CNTNAP2: variants seen among roughly 807,000 people sequenced by gnomAD.
CNTNAP2 encodes contactin-associated protein-like 2.
CNTNAP2 carries 98 observed loss-of-function variants against 155.2 expected under a neutral mutation model. The observed-to-expected ratio is 0.63, with a 90% CI of 0.54 to 0.75. The LOEUF is 0.75. Among genes scored for constraint, CNTNAP2 ranks in the 30% least tolerant of loss-of-function variants. CNTNAP2 has a pLI of 0.00. For synonymous variants in CNTNAP2, 651 were observed against 631.2 expected, an observed-to-expected ratio of 1.03 and a Z score of -0.47; for missense variants, 1,727 against 1,688.1, an observed-to-expected ratio of 1.02 and a Z score of -0.40.
intron 3 of CNTNAP2, among the ~76,000 whole-genome samples, chr7:146,889,860 T>C (rs191516923): frequency 6.6e-6 from 1 of 152,296 alleles, no homozygotes; most frequent in East Asian, 1.9e-4. Context: ...TATAATTTTA[T>C]CTAGGACTTT....
intron 1 of CNTNAP2, among the ~76,000 whole-genome samples, chr7:146,589,099 A>C (rs961221127): frequency 6.6e-6 from 1 of 152,186 alleles, no homozygotes; most frequent in Non-Finnish European, 1.5e-5. Flanking sequence ...CATACTCACA[A>C]GTTCCCCCAT....
At chr7:147,912,302 G>A (rs1036855189) in intron 14 of CNTNAP2, among the ~76,000 whole-genome samples, 1 of 152,196 alleles carries the variant, frequency 6.6e-6, no homozygotes, top group African/African-American at 2.4e-5. Flanking sequence ...TTAGCTCATG[G>A]GTTCCCCAGG....
chr7:146,693,610 C>G (rs1800733754), intron 1 of CNTNAP2, among the ~76,000 whole-genome samples: 3 of 152,118 alleles, frequency 2.0e-5, no homozygotes, highest in Admixed American at 2.0e-4. Context: ...TCTCCCCTCC[C>G]TGGGTTCTGT....
At chr7:148,228,011 T>C (rs1252336246) in intron 19 of CNTNAP2, among the ~76,000 whole-genome samples, 1 of 152,044 alleles carries the variant, frequency 6.6e-6, no homozygotes, top group Non-Finnish European at 1.5e-5. Context: ...TGACTTTCTT[T>C]TATTTTTTTT....
Position 147,300,292 on chromosome 7 carries a change from T to A in CNTNAP2, c.1498+2T>A, listed in dbSNP as rs770435238. On this transcript the variant is annotated splice_donor_variant, in intron 9 of 23. Coordinates refer to ENST00000361727, the MANE Select transcript of CNTNAP2 (RefSeq NM_014141.6). LOFTEE classifies it high-confidence loss of function. ...CTGGCGAGAAGTACTTTTTTGGAGG[T>A]AAGAATGCCATTCCTTTTTGGTTAC... The A allele has an allele frequency of 5.0e-6, 8 of 1,613,694 alleles. No homozygotes were observed. Among genetic ancestry groups the A allele is most frequent in the Non-Finnish European group, 6.8e-6 (8 of 1,179,782 alleles).
chr7:148,414,139 C>T (rs1430851912), intron 23 of CNTNAP2, among the ~76,000 whole-genome samples: 2 of 131,790 alleles, frequency 1.5e-5, no homozygotes, highest in African/African-American at 2.8e-5. Flanking sequence ...TGCAGTGGCA[C>T]GATCTTGGCT....
At chr7:148,037,840 T>TA (rs1802599118) in intron 15 of CNTNAP2, among the ~76,000 whole-genome samples, 1 of 152,226 alleles carries the variant, frequency 6.6e-6, no homozygotes, top group African/African-American at 2.4e-5. Context: ...TGTTTTGACT[T>TA]AAAAATTTTC....
intron 12 of CNTNAP2, among the ~76,000 whole-genome samples, chr7:147,612,676 C>T (rs1801210545): frequency 6.6e-6 from 1 of 152,120 alleles, no homozygotes; most frequent in Admixed American, 6.5e-5. Context: ...GCAGGAATTA[C>T]AGGCGTGATC....
chr7:147,688,416 TC>T (rs1353222310), intron 13 of CNTNAP2, among the ~76,000 whole-genome samples: 1 of 152,110 alleles, frequency 6.6e-6, no homozygotes, highest in African/African-American at 2.4e-5. Context: ...ACTTCACATT[TC>T]CACCCCTACT....
chr7:146,324,412 A>G (rs978875771), intron 1 of CNTNAP2, among the ~76,000 whole-genome samples: 1 of 152,186 alleles, frequency 6.6e-6, no homozygotes, highest in South Asian at 2.1e-4. Flanking sequence ...TAGACACATC[A>G]TCGGTGGTAG....
intron 13 of CNTNAP2, among the ~76,000 whole-genome samples, chr7:147,674,718 G>A (rs700316): frequency 0.27 from 41,477 of 151,964 alleles, 7,560 homozygotes; most frequent in African/African-American, 0.5. Context: ...CTTGTCCATA[G>A]AATTTATTCC....
intron 1 of CNTNAP2, among the ~76,000 whole-genome samples, chr7:146,311,407 G>C (rs1323785441): frequency 6.6e-6 from 1 of 152,006 alleles, no homozygotes; most frequent in Admixed American, 6.6e-5. Context: ...TTTTGGTTGA[G>C]AGGAATGACT....
At position 148,301,306 on chromosome 7, in the gene CNTNAP2, A is replaced by AAAAAATAT; in HGVS notation, c.3475+34181_3475+34182insAAAATATA. Reference sequence around the variant, plus strand: ...GAGACTCCGTCTAAAAAAAAAAAAAAATATATATATATATATAGGTTAAAA... The same window carrying AAAAAATAT: ...GAGACTCCGTCTAAAAAAAAAAAAAAAAAAATATATATATATATATATATAGGTTAAAA... On this transcript the variant is annotated intron_variant, in intron 21 of 23. Coordinates refer to ENST00000361727, the MANE Select transcript of CNTNAP2 (RefSeq NM_014141.6). 8.1e-3 allele frequency among the ~76,000 whole-genome samples: 839 copies of AAAAAATAT among 103,804 alleles called. 19 individuals are homozygous for AAAAAATAT. Among genetic ancestry groups the AAAAAATAT allele is most frequent in the African/African-American group, 0.03 (792 of 26,538 alleles). The allele number at this position is 103,804 out of a possible 152,430, so 68.1% of individuals were successfully genotyped here.
rs547112284 is a variant in CNTNAP2 at position 146,651,342 on chromosome 7, G to A, written c.98-122929G>A. On this transcript the variant is annotated intron_variant, in intron 1 of 23. Coordinates refer to ENST00000361727, the MANE Select transcript of CNTNAP2 (RefSeq NM_014141.6). ...CAAACCCTTAACAGGTTGGAAACAA[G>A]AATAGCCTGTAACATATGAAGGGTC... Among the ~76,000 whole-genome samples the A allele has an allele frequency of 1.1e-3, 163 of 152,228 alleles. No individual in the cohort carries two copies. In the South Asian group the frequency reaches 0.016, roughly 15 times the overall value.
At chr7:146,907,800 A>C (rs928026628) in intron 3 of CNTNAP2, among the ~76,000 whole-genome samples, 3 of 151,918 alleles carry the variant, frequency 2.0e-5, no homozygotes, top group Non-Finnish European at 2.9e-5. Flanking sequence ...ACACATAACA[A>C]TATTAACTTT....
Position 147,278,050 on chromosome 7 carries a change from G to T in CNTNAP2, c.1349-22091G>T, listed in dbSNP as rs115534999. Among the ~76,000 whole-genome samples, 194 of 150,862 alleles carry T rather than the reference G, an allele frequency of 1.3e-3. 3 individuals are homozygous for T. Among genetic ancestry groups the T allele is most frequent in the African/African-American group, 4.4e-3 (181 of 41,204 alleles). On this transcript the variant is annotated intron_variant, in intron 8 of 23. Transcript: ENST00000361727. Reference sequence around the variant, plus strand: ...TATATTGAGTATGAACAACTCTGTGGGTTTAAAGATAGAAATATGCTGCTA... The same window carrying T: ...TATATTGAGTATGAACAACTCTGTGTGTTTAAAGATAGAAATATGCTGCTA...
At chr7:146,494,191 G>A (rs1308389960) in intron 1 of CNTNAP2, among the ~76,000 whole-genome samples, 1 of 151,922 alleles carries the variant, frequency 6.6e-6, no homozygotes, top group Non-Finnish European at 1.5e-5. Context: ...AAAATTAGCT[G>A]GGCATGGTGG....
intron 9 of CNTNAP2, among the ~76,000 whole-genome samples, chr7:147,321,664 A>G (rs527916656): frequency 5.9e-5 from 9 of 152,252 alleles, no homozygotes; most frequent in Admixed American, 1.3e-4. Context: ...AGTCTTTCCA[A>G]GCATTTCTCT....
intron 15 of CNTNAP2, among the ~76,000 whole-genome samples, chr7:148,104,109 G>A (rs917777386): frequency 2.0e-5 from 3 of 151,994 alleles, no homozygotes; most frequent in Non-Finnish European, 4.4e-5. Context: ...TCATTTCCTC[G>A]TCTCTCTTTC....
Sources: gnomAD v4.1 joint callset for allele counts (sites outside exome capture counted in the v4.1 genomes callset) on GRCh38, gnomAD v4.1.1 for gene constraint, MANE v1.5 for transcripts, NCBI Gene and HGNC (gene_info 2026-07-23, HGNC 2026-07-21) for gene names.